The following SOX6 variants were observed in gnomAD, a reference collection of about 807,000 sequenced individuals.
SOX6 encodes the protein transcription factor SOX-6.
In SOX6, 11 loss-of-function variants were observed where a neutral mutation model predicts 97.8. The ratio of observed to expected loss-of-function variants is 0.11; its 90% CI spans 0.07 to 0.19. SOX6 has a LOEUF of 0.19. Ranked by LOEUF, SOX6 falls within the 10% of genes least tolerant of loss-of-function variation. The probability of loss-of-function intolerance (pLI) is 1.00; values close to 1 mark genes in which losing one functional copy is unlikely to be tolerated. For missense variants in SOX6, 810 were observed against 1,039.5 expected, an observed-to-expected ratio of 0.78 and a Z score of 3.04; for synonymous variants, 360 against 371.4, an observed-to-expected ratio of 0.97 and a Z score of 0.35.
intron 10 of SOX6, 42 bp downstream of exon 10, chr11:16,055,710 T>G: frequency 6.2e-7 from 1 of 1,612,784 alleles, no homozygotes; most frequent in South Asian, 1.1e-5. Context: ...CTTGTGAAAC[T>G]TTTTTCTAAA....
At chr11:16,551,904 C>T (rs1847691627) in intron 4 of SOX6, among the ~76,000 whole-genome samples, 1 of 152,112 alleles carries the variant, frequency 6.6e-6, no homozygotes, top group Non-Finnish European at 1.5e-5. Flanking sequence ...CATGCCTGGC[C>T]TGAAAAATTT....
chr11:15,980,708 T>A (rs1853629447), intron 15 of SOX6, among the ~76,000 whole-genome samples: 1 of 152,154 alleles, frequency 6.6e-6, no homozygotes, highest in Middle Eastern at 3.4e-3. Context: ...CTACTTCCCA[T>A]AAGTCTGACC....
intron 12 of SOX6, among the ~76,000 whole-genome samples, chr11:16,026,718 T>A (rs1021311419): frequency 3.9e-5 from 6 of 152,118 alleles, no homozygotes; most frequent in Admixed American, 3.9e-4. Flanking sequence ...ATGTCACAAA[T>A]GAGTATTCAA....
At chr11:16,507,250 G>A (rs1045428727) in intron 4 of SOX6, among the ~76,000 whole-genome samples, 2 of 151,890 alleles carry the variant, frequency 1.3e-5, no homozygotes, top group South Asian at 2.1e-4. Context: ...CCTGTGACCT[G>A]ATTAAATCTC....
intron 4 of SOX6, among the ~76,000 whole-genome samples, chr11:16,581,296 C>T (rs971126090): frequency 3.9e-5 from 6 of 152,078 alleles, no homozygotes; most frequent in Non-Finnish European, 5.9e-5. Context: ...ATGTCCTCTG[C>T]AGGGACATGG....
intron 9 of SOX6, among the ~76,000 whole-genome samples, chr11:16,063,400 G>GTATTTGAAAAGAGAAGCA (rs1297144362): frequency 6.7e-6 from 1 of 149,046 alleles, no homozygotes; most frequent in Non-Finnish European, 1.5e-5. Context: ...TACCATGACT[G>GTATTTGAAAAGAGAAGCA]TATTTGAAAA....
chr11:16,328,703 T>C (rs897518662), intron 2 of SOX6, among the ~76,000 whole-genome samples: 14 of 152,164 alleles, frequency 9.2e-5, no homozygotes, highest in Non-Finnish European at 1.6e-4. Flanking sequence ...TTGCCAACTG[T>C]GCTATATAAG....
chr11:16,202,630 T>C (rs770988648), intron 4 of SOX6, among the ~76,000 whole-genome samples: 6 of 152,140 alleles, frequency 3.9e-5, no homozygotes, highest in Non-Finnish European at 7.4e-5. Flanking sequence ...CCCAATCATA[T>C]GAGCAGGAAC....
chr11:16,060,567 T>C (rs933442453), intron 9 of SOX6, among the ~76,000 whole-genome samples: 1 of 151,912 alleles, frequency 6.6e-6, no homozygotes, highest in Admixed American at 6.6e-5. Flanking sequence ...AAACATATGA[T>C]TTTAGTATAA....
chr11:16,116,062 T>A (rs1275501796), intron 6 of SOX6, among the ~76,000 whole-genome samples: 6 of 152,136 alleles, frequency 3.9e-5, no homozygotes, highest in Admixed American at 3.9e-4. Context: ...TTAAGTAAAA[T>A]GATGTAAAAA....
intron 6 of SOX6, among the ~76,000 whole-genome samples, chr11:16,155,485 A>G (rs1850574057): frequency 6.6e-6 from 1 of 152,156 alleles, no homozygotes; most frequent in African/African-American, 2.4e-5. Flanking sequence ...TGTTAATTAG[A>G]TTAGAATCTT....
chr11:15,994,426 G>C (rs1237195961), intron 13 of SOX6, among the ~76,000 whole-genome samples: 1 of 146,434 alleles, frequency 6.8e-6, no homozygotes, highest in Admixed American at 6.8e-5. Context: ...GCGATGGCTT[G>C]GGTTTATGTA....
At chr11:16,522,699 A>C (rs1344909206) in intron 4 of SOX6, among the ~76,000 whole-genome samples, 2 of 152,228 alleles carry the variant, frequency 1.3e-5, no homozygotes, top group South Asian at 2.1e-4. Flanking sequence ...TTGGATAAAG[A>C]GTCAAGACCC....
rs192637895 is a variant in SOX6, at chr11:16,414,104, G to A, written c.-5+62211C>T. On this transcript the variant is annotated intron_variant, in intron 1 of 15. Coordinates refer to the SOX6 transcript ENST00000396356. ...ACAATGAGCAAACTATTGTGCTAGA[G>A]ATGATACAAAGAAACATGTCATAGT... Among the ~76,000 whole-genome samples, 256 of 152,302 alleles carry A rather than the reference G, an allele frequency of 1.7e-3. 4 individuals are homozygous for A. Among genetic ancestry groups the A allele is most frequent in the Admixed American group, 0.016 (246 of 15,296 alleles).
chr11:16,445,083 A>G (rs1214561111), intron 1 of SOX6, among the ~76,000 whole-genome samples: 2 of 152,216 alleles, frequency 1.3e-5, no homozygotes, highest in South Asian at 4.1e-4. Context: ...GGGAAGTAAT[A>G]CCTTGATAGC....
intron 3 of SOX6, among the ~76,000 whole-genome samples, chr11:16,700,922 A>G (rs116594380): frequency 0.011 from 1,689 of 152,308 alleles, 24 homozygotes; most frequent in African/African-American, 0.038. Context: ...TGCTAGGGCC[A>G]TAAGGTATGT....
chr11:16,205,709 C>G (rs1383676846), intron 4 of SOX6, among the ~76,000 whole-genome samples: 1 of 152,024 alleles, frequency 6.6e-6, no homozygotes, highest in Non-Finnish European at 1.5e-5. Context: ...GTACTATGCT[C>G]ATCTTACAAT....
intron 4 of SOX6, among the ~76,000 whole-genome samples, chr11:16,584,754 G>A (rs1462010026): frequency 6.6e-6 from 1 of 152,136 alleles, no homozygotes; most frequent in East Asian, 1.9e-4. Context: ...AAGCTTGACA[G>A]AAACAGAGGG....
At chr11:16,005,754 C>T (rs1295445028) in intron 13 of SOX6, among the ~76,000 whole-genome samples, 1 of 152,024 alleles carries the variant, frequency 6.6e-6, no homozygotes, top group African/African-American at 2.4e-5. Context: ...AATGATTGAA[C>T]ATATTTCTTA....
Sources: allele counts gnomAD v4.1 joint callset (sites outside exome capture counted in the v4.1 genomes callset), GRCh38; gene constraint gnomAD v4.1.1; transcripts MANE v1.5; gene names NCBI Gene and HGNC (gene_info 2026-07-23, HGNC 2026-07-21).